SRGAP1: variants seen among roughly 807,000 people sequenced by gnomAD.
The protein encoded by SRGAP1 is SLIT-ROBO Rho GTPase activating protein 1, also known as SLIT-ROBO Rho GTPase-activating protein 1.
A neutral mutation model predicts 121.9 loss-of-function variants in SRGAP1; 43 were observed. The ratio of observed to expected loss-of-function variants is 0.35; its 90% CI spans 0.28 to 0.46. The LOEUF (loss-of-function observed/expected upper bound fraction) is 0.46, where lower values mean the gene tolerates loss of function less well. SRGAP1 is among the 20% of genes least tolerant of loss of function. The pLI, the probability that SRGAP1 is intolerant of heterozygous loss-of-function variation, is 1.00. For synonymous variants in SRGAP1, 447 were observed against 485.4 expected (o/e 0.92, Z 1.04); for missense variants, 1,102 against 1,350.9 (o/e 0.82, Z 2.89).
intron 4 of SRGAP1, among the ~76,000 whole-genome samples, chr12:64,036,306 A>G (rs912541200): frequency 6.6e-6 from 1 of 152,094 alleles, no homozygotes; most frequent in Non-Finnish European, 1.5e-5. Context: ...GGCTTTCCCC[A>G]CGCACCTGAG....
chr12:63,951,372 C>T (rs1253780881), intron 1 of SRGAP1, among the ~76,000 whole-genome samples: 3 of 151,980 alleles, frequency 2.0e-5, no homozygotes, highest in Admixed American at 6.6e-5. Context: ...CCATGTTGGC[C>T]AGGCTGGTCT....
chr12:63,966,441 T>C (rs967944905), intron 1 of SRGAP1, among the ~76,000 whole-genome samples: 3 of 152,174 alleles, frequency 2.0e-5, no homozygotes, highest in Non-Finnish European at 4.4e-5. Flanking sequence ...AAGAAAATCC[T>C]CATTATGTTA....
intron 21 of SRGAP1, among the ~76,000 whole-genome samples, chr12:64,129,804 T>C (rs2036754864): frequency 6.6e-6 from 1 of 152,198 alleles, no homozygotes; most frequent in Non-Finnish European, 1.5e-5. Flanking sequence ...AAAATGAAGA[T>C]ATTTTCCTAG....
intron 4 of SRGAP1, among the ~76,000 whole-genome samples, chr12:64,031,398 CT>C (rs2034777594): frequency 6.6e-6 from 1 of 151,010 alleles, no homozygotes; most frequent in Non-Finnish European, 1.5e-5. Flanking sequence ...ATAATAAATT[CT>C]TACAGAATTT....
rs764694074 is a variant in SRGAP1, at chr12:64,151,552, G to A, written c.*8880G>A. The A allele has an allele frequency of 1.3e-5, 2 of 152,008 alleles. No individual in the cohort carries two copies. Among genetic ancestry groups the A allele is most frequent in the African/African-American group, 4.8e-5 (2 of 41,378 alleles). The allele number at this position is 152,008 out of a possible 1,614,324, so 9.4% of individuals were successfully genotyped here. A position where few individuals can be genotyped will look rare whatever the true frequency, so the allele number is the denominator to read the frequency against. On this transcript the variant is annotated 3_prime_UTR_variant, in exon 22 of 22. Transcript: ENST00000355086. ...GTCAGAGGATGCAATTATCTGTAAG[G>A]CTCATGACAAATATTGCCGACCTGT...
intron 1 of SRGAP1, among the ~76,000 whole-genome samples, chr12:63,852,589 C>T (rs1172880419): frequency 6.6e-6 from 1 of 152,124 alleles, no homozygotes; most frequent in African/African-American, 2.4e-5. Flanking sequence ...CATTCCTGGC[C>T]CTGGGCTGCC....
At chr12:64,069,984 A>T (rs1021616996) in intron 8 of SRGAP1, among the ~76,000 whole-genome samples, 1 of 152,002 alleles carries the variant, frequency 6.6e-6, no homozygotes, top group African/African-American at 2.4e-5. Flanking sequence ...CAATCTTCCC[A>T]CCTTGGCCTC....
At chr12:64,070,531 C>A (rs139343783) in intron 8 of SRGAP1, among the ~76,000 whole-genome samples, 1 of 152,276 alleles carries the variant, frequency 6.6e-6, no homozygotes, top group African/African-American at 2.4e-5. Context: ...AGATTTACCA[C>A]CCTGAGGGGA....
chr12:64,106,764 T>G (rs2036350992), intron 15 of SRGAP1, among the ~76,000 whole-genome samples: 1 of 152,210 alleles, frequency 6.6e-6, no homozygotes, highest in Admixed American at 6.5e-5. Flanking sequence ...GACCATTGCC[T>G]GGGAAGTATG....
chr12:63,911,765 A>G (rs915271277), intron 1 of SRGAP1, among the ~76,000 whole-genome samples: 2 of 152,202 alleles, frequency 1.3e-5, no homozygotes, highest in Admixed American at 6.5e-5. Context: ...AATAAAGCTT[A>G]CCTAAACAGT....
chr12:64,131,220 G>A (rs760925677), intron 21 of SRGAP1, among the ~76,000 whole-genome samples: 1 of 152,176 alleles, frequency 6.6e-6, no homozygotes, highest in Non-Finnish European at 1.5e-5. Context: ...TCACCCGTTG[G>A]TGAGTACTCA....
intron 1 of SRGAP1, among the ~76,000 whole-genome samples, chr12:63,855,485 T>G (rs887164740): frequency 0.021 from 2,528 of 119,330 alleles, 108 homozygotes; most frequent in African/African-American, 0.073. Flanking sequence ...TTTTTTTTTT[T>G]TTTTTTTTTT....
chr12:63,958,378 G>A (rs1448072669), intron 1 of SRGAP1, among the ~76,000 whole-genome samples: 2 of 152,118 alleles, frequency 1.3e-5, no homozygotes, highest in Non-Finnish European at 2.9e-5. Context: ...CCAGAAGATG[G>A]AGGAATTAGG....
At chr12:64,042,637 GTCC>G (rs1196433426) in intron 4 of SRGAP1, among the ~76,000 whole-genome samples, 150 bp from the exon 5 acceptor site, 1 of 152,142 alleles carries the variant, frequency 6.6e-6, no homozygotes, top group Non-Finnish European at 1.5e-5. Flanking sequence ...AGAAGCAGTA[GTCC>G]ATAATTCACT....
At chr12:63,935,308 AG>A (rs748964135) in intron 1 of SRGAP1, among the ~76,000 whole-genome samples, 1 of 152,220 alleles carries the variant, frequency 6.6e-6, no homozygotes, top group Non-Finnish European at 1.5e-5. Context: ...GAGACCGAAA[AG>A]CAGATAAATT....
intron 6 of SRGAP1, among the ~76,000 whole-genome samples, chr12:64,048,178 TTCTG>T (rs1435257146): frequency 3.9e-5 from 6 of 152,166 alleles, no homozygotes; most frequent in African/African-American, 9.6e-5. Flanking sequence ...CCCACTACCA[TTCTG>T]TCTATCTCCA....
chr12:63,998,717 C>A (rs2033787080), intron 3 of SRGAP1, among the ~76,000 whole-genome samples: 1 of 152,248 alleles, frequency 6.6e-6, no homozygotes, highest in African/African-American at 2.4e-5. Flanking sequence ...TCAAGCTCAG[C>A]CTGCCATTTG....
chr12:63,960,679 A>G (rs180814844), intron 1 of SRGAP1, among the ~76,000 whole-genome samples: 4 of 152,272 alleles, frequency 2.6e-5, no homozygotes, highest in Admixed American at 2.0e-4. Flanking sequence ...TAGGTGAAGA[A>G]TCTTGAGATA....
At chr12:63,938,433 G>C (rs2031744556) in intron 1 of SRGAP1, among the ~76,000 whole-genome samples, 1 of 152,118 alleles carries the variant, frequency 6.6e-6, no homozygotes, top group Admixed American at 6.5e-5. Context: ...AGCCATGGTG[G>C]GTTTTTACTG....
Sources: gnomAD v4.1 joint callset for allele counts (sites outside exome capture counted in the v4.1 genomes callset) on GRCh38, gnomAD v4.1.1 for gene constraint, MANE v1.5 for transcripts, NCBI Gene and HGNC (gene_info 2026-07-23, HGNC 2026-07-21) for gene names.